ZNF71: variants seen among roughly 807,000 people sequenced by gnomAD.
ZNF71 encodes zinc finger protein 71.
In ZNF71, 3 loss-of-function variants were observed where a neutral mutation model predicts 6.7. The ratio of observed to expected loss-of-function variants is 0.45; its 90% CI spans 0.20 to 1.16. The LOEUF (loss-of-function observed/expected upper bound fraction) is 1.16, where lower values mean the gene tolerates loss of function less well. ZNF71 is among the 50% of genes most tolerant of loss of function. ZNF71 has a pLI of 0.25. For missense variants in ZNF71, 688 were observed against 728.6 expected (o/e 0.94, Z 0.64); for synonymous variants, 343 against 311.1 (o/e 1.10, Z -1.08).
intron 2 of ZNF71, among the ~76,000 whole-genome samples, chr19:56,604,078 T>C (rs888997308): frequency 1.7e-4 from 9 of 54,230 alleles, no homozygotes; most frequent in African/African-American, 1.6e-3. Flanking sequence ...GACTGCTCAG[T>C]GAATAGTTGA....
intron 3 of ZNF71, among the ~76,000 whole-genome samples, chr19:56,617,114 T>TTTTTG (rs1555776024): frequency 6.9e-6 from 1 of 144,934 alleles, no homozygotes; most frequent in Admixed American, 6.8e-5. Flanking sequence ...TTTCTTTTGT[T>TTTTTG]TTTTTTTGTT....
At chr19:56,595,620 T>G (rs2044613907) in intron 1 of ZNF71, among the ~76,000 whole-genome samples, 192 bp downstream of exon 1, 1 of 151,292 alleles carries the variant, frequency 6.6e-6, no homozygotes, top group South Asian at 2.1e-4. Context: ...GGGAGAGGCG[T>G]GAGTGGGTTG....
chr19:56,610,238 C>T (rs1403938233), intron 2 of ZNF71: 1 of 152,252 alleles, frequency 6.6e-6, no homozygotes, highest in Non-Finnish European at 1.5e-5. Flanking sequence ...AACCATTTTA[C>T]ATCCCCACCA....
At chr19:56,609,277 C>T (rs747071085) in intron 2 of ZNF71, among the ~76,000 whole-genome samples, 15 of 152,112 alleles carry the variant, frequency 9.9e-5, no homozygotes, top group Non-Finnish European at 1.8e-4. Flanking sequence ...TGGTTAAGAG[C>T]TTTATTGAGG....
chr19:56,621,183 A>G, intron 3 of ZNF71, 85 bp from the exon 4 acceptor site: 1 of 1,418,622 alleles, frequency 7.0e-7, no homozygotes, highest in Non-Finnish European at 9.4e-7. Context: ...GGTCGGTTTC[A>G]TTTGCTCCTT....
intron 1 of ZNF71, among the ~76,000 whole-genome samples, chr19:56,599,006 A>G (rs771482053): frequency 5.3e-5 from 8 of 152,110 alleles, no homozygotes; most frequent in Non-Finnish European, 8.8e-5. Context: ...GCAGGAATAT[A>G]TATTCTGAGT....
chr19:56,619,445 C>T (rs1229860833), intron 3 of ZNF71, among the ~76,000 whole-genome samples: 1 of 152,168 alleles, frequency 6.6e-6, no homozygotes, highest in East Asian at 1.9e-4. Flanking sequence ...TTTACTAAGT[C>T]TCTTTGATGG....
At chr19:56,607,721 C>A (rs573272800) in intron 2 of ZNF71, among the ~76,000 whole-genome samples, 1 of 152,216 alleles carries the variant, frequency 6.6e-6, no homozygotes, top group Non-Finnish European at 1.5e-5. Context: ...AAAACACTCA[C>A]CCCCCTGTAT....
chr19:56,612,366 CATATA>C (rs1192645514), intron 2 of ZNF71, among the ~76,000 whole-genome samples: 2 of 152,078 alleles, frequency 1.3e-5, no homozygotes, highest in Non-Finnish European at 2.9e-5. Flanking sequence ...GATACACACA[CATATA>C]ATATATATGT....
In ZNF71 at chr19:56,621,490, T is replaced by A; in HGVS notation, c.383T>A (p.Leu128Ter). 1 of 1,614,044 alleles carries A rather than the reference T, an allele frequency of 6.2e-7. No homozygotes were observed. The highest frequency in any genetic ancestry group is 1.1e-5 in the South Asian group (1 of 91,072). The change falls in exon 4 of 4, where the codon TTA (leucine) becomes TAA (stop). Residue 128 changes from leucine to a stop codon, truncating the protein, a stop_gained. Coordinates refer to ENST00000599599, the MANE Select transcript of ZNF71 (RefSeq NM_001370215.1). LOFTEE classifies it low-confidence loss of function (END_TRUNC). ...PLGIPQGNKL[L>*]GGSVPACHEL... is the part of the protein sequence containing the mutation. ...GGAATTCCCCAGGGGAACAAACTCT[T>A]AGGGGGCTCAGTACCCGCATGTCAT...
intron 2 of ZNF71, among the ~76,000 whole-genome samples, chr19:56,601,855 A>G (rs2044673328): frequency 6.6e-6 from 1 of 152,122 alleles, no homozygotes; most frequent in East Asian, 1.9e-4. Flanking sequence ...GGTGGTTTAG[A>G]CATGTGACAT....
chr19:56,622,010 C>T lies in ZNF71; in HGVS notation c.903C>T (p.Pro301=). Residue 301 remains proline, a synonymous_variant, in exon 4 of 4, where the codon CCC becomes CCT. Coordinates refer to ENST00000599599, the MANE Select transcript of ZNF71 (RefSeq NM_001370215.1). ...AGCGGATCCACACGGGGGAGAAGCC[C>T]TACGCGTGCGGGGACTGCGGCAAGG... is the stretch of plus-strand genomic sequence containing the variant. ...QHERIHTGEK[P]YACGDCGKAF... The T allele has an allele frequency of 6.2e-7, 1 of 1,613,092 alleles. No homozygotes were observed. Among genetic ancestry groups the T allele is most frequent in the Non-Finnish European group, 8.5e-7 (1 of 1,179,500 alleles).
rs145594416 is a variant in ZNF71, at chr19:56,622,493, C to T, written c.1386C>T (p.Ile462=). 1.4e-5 allele frequency: 22 copies of T among 1,598,224 alleles called. No individual in the cohort carries two copies. The highest frequency in any genetic ancestry group is 1.7e-5 in the Non-Finnish European group (20 of 1,173,452). ...TGRSSLIVHQ[I]VHTGEKPYVC... is the part of the protein sequence containing the mutation. Reference sequence around the variant, plus strand: ...GCTCGTCCCTCATCGTGCACCAGATCGTGCACACCGGGGAGAAGCCCTACG... The same window carrying T: ...GCTCGTCCCTCATCGTGCACCAGATTGTGCACACCGGGGAGAAGCCCTACG... The change falls in exon 4 of 4, where the codon ATC becomes ATT. Residue 462 remains isoleucine, a synonymous_variant. Coordinates refer to ENST00000599599, the MANE Select transcript of ZNF71 (RefSeq NM_001370215.1).
chr19:56,602,427 C>G (rs2044677926), intron 2 of ZNF71, among the ~76,000 whole-genome samples: 1 of 152,106 alleles, frequency 6.6e-6, no homozygotes, highest in Admixed American at 6.5e-5. Context: ...GAGCGGGTCT[C>G]TGATGATTTA....
In ZNF71 at chr19:56,622,686, C is replaced by A. The variant is rs145277321; in HGVS notation, c.1579C>A (p.Arg527=). 2.5e-6 allele frequency: 4 copies of A among 1,613,260 alleles called. No individual in the cohort carries two copies. Among genetic ancestry groups the A allele is most frequent in the Non-Finnish European group, 3.4e-6 (4 of 1,179,674 alleles). ...GATCCACACGGGCGAGAAGCCCTACCGATGCGGCGAGTGCGGGAAGACCTT... is the reference window on the plus strand; with the variant it reads ...GATCCACACGGGCGAGAAGCCCTACAGATGCGGCGAGTGCGGGAAGACCTT... ...QRIHTGEKPY[R]CGECGKTFSR... Residue 527 remains arginine, a synonymous_variant, in exon 4 of 4, where the codon CGA becomes AGA. Transcript: ENST00000599599.
At chr19:56,619,828 T>A (rs1011678282) in intron 3 of ZNF71, among the ~76,000 whole-genome samples, 1 of 152,210 alleles carries the variant, frequency 6.6e-6, no homozygotes, top group Non-Finnish European at 1.5e-5. Context: ...TCATGTTTTT[T>A]ATGAGCTAGC....
intron 3 of ZNF71, among the ~76,000 whole-genome samples, chr19:56,619,774 A>G (rs920928986): frequency 7.2e-5 from 11 of 152,120 alleles, no homozygotes; most frequent in African/African-American, 2.7e-4. Flanking sequence ...GCCCCATGCA[A>G]TGTCTTGTTG....
intron 2 of ZNF71, among the ~76,000 whole-genome samples, chr19:56,612,626 C>T (rs185910813): frequency 2.7e-4 from 41 of 152,110 alleles, no homozygotes; most frequent in African/African-American, 6.7e-4. Flanking sequence ...AACTCAGAAG[C>T]GGGCAAGGTG....
At chr19:56,616,677 T>C (rs2044794064) in intron 3 of ZNF71, among the ~76,000 whole-genome samples, 1 of 152,186 alleles carries the variant, frequency 6.6e-6, no homozygotes, top group Admixed American at 6.5e-5. Flanking sequence ...GGGAGTTCCT[T>C]GCAGGTCTTC....
Sources: gnomAD v4.1 joint callset for allele counts (sites outside exome capture counted in the v4.1 genomes callset) on GRCh38, gnomAD v4.1.1 for gene constraint, MANE v1.5 for transcripts, NCBI Gene and HGNC (gene_info 2026-07-23, HGNC 2026-07-21) for gene names.